HERC4: variants seen among roughly 807,000 people sequenced by gnomAD.
The protein encoded by HERC4 is probable E3 ubiquitin-protein ligase HERC4.
Under a neutral mutation model 124.3 loss-of-function variants are expected in HERC4, and 28 were observed. The ratio of observed to expected loss-of-function variants is 0.23; its 90% CI spans 0.17 to 0.31. The LOEUF (loss-of-function observed/expected upper bound fraction) is 0.31, where lower values mean the gene tolerates loss of function less well. Ranked by LOEUF, HERC4 falls within the 10% of genes least tolerant of loss-of-function variation. The pLI, the probability that HERC4 is intolerant of heterozygous loss-of-function variation, is 1.00. For missense variants in HERC4, 713 were observed against 1,229.3 expected (o/e 0.58, Z 6.28); for synonymous variants, 407 against 421.5 (o/e 0.97, Z 0.42).
At chr10:67,967,130 A>G (rs906528253) in intron 15 of HERC4, among the ~76,000 whole-genome samples, 1 of 152,254 alleles carries the variant, frequency 6.6e-6, no homozygotes, top group African/African-American at 2.4e-5. Flanking sequence ...TTGGGATTAC[A>G]GGCGTGAGCC....
intron 16 of HERC4, among the ~76,000 whole-genome samples, chr10:67,959,594 AAAGT>A (rs1329880163): frequency 6.6e-6 from 1 of 152,196 alleles, no homozygotes; most frequent in African/African-American, 2.4e-5. Flanking sequence ...ATATGGACAC[AAAGT>A]AAGAAAAAAT....
chr10:67,923,051 AT>A lies in HERC4; in HGVS notation c.3029del (p.Tyr1010PhefsTer27). The stretch of plus-strand genomic sequence containing the variant: ...TAAAACAAGTATGGGAAACTGGGAG[AT>A]ACTCCTCACCACCTCCTGTGGACTG... ...VIQSTGGGEE[Y>X]LPVSHTCFNL... On this transcript the variant is annotated frameshift_variant, in exon 25 of 25. Coordinates refer to ENST00000373700, the MANE Select transcript of HERC4 (RefSeq NM_015601.4). LOFTEE classifies it high-confidence loss of function. 1 of 1,613,690 alleles carries A rather than the reference AT, an allele frequency of 6.2e-7. No homozygotes were observed. Among genetic ancestry groups the A allele is most frequent in the Non-Finnish European group, 8.5e-7 (1 of 1,179,648 alleles).
At chr10:68,035,439 A>G (rs1290876133) in intron 5 of HERC4, among the ~76,000 whole-genome samples, 1 of 152,174 alleles carries the variant, frequency 6.6e-6, no homozygotes, top group Admixed American at 6.5e-5. Flanking sequence ...TACAGGTGTG[A>G]GTTACCACAC....
At chr10:68,057,873 C>G (rs1040525771) in intron 3 of HERC4, among the ~76,000 whole-genome samples, 1 of 151,870 alleles carries the variant, frequency 6.6e-6, no homozygotes. Context: ...CTAATTTTTT[C>G]TATTTCTAGT....
Position 68,073,048 on chromosome 10 carries a change from T to C in HERC4, c.61A>G (p.Ile21Val). ...QLGLGGIDEE[I>V]VLEPRKSDFF... ...TCACTTTTTCTGGGCTCTAGTACAA[T>C]TTCTTCATCAATTCCACCCAAACCT... is the stretch of plus-strand genomic sequence containing the variant. Residue 21 changes from isoleucine to valine, a missense_variant, in exon 3 of 25, where the codon ATT (isoleucine) becomes GTT (valine). By Grantham distance (29) the Ile-to-Val change is conservative (BLOSUM62 3). Transcript: ENST00000373700. The C allele has an allele frequency of 1.2e-6, 2 of 1,614,056 alleles. No homozygotes were observed. Among genetic ancestry groups the C allele is most frequent in the South Asian group, 2.2e-5 (2 of 91,078 alleles).
intron 15 of HERC4, among the ~76,000 whole-genome samples, chr10:67,967,512 T>C (rs2034960279): frequency 6.6e-6 from 1 of 152,140 alleles, no homozygotes; most frequent in Non-Finnish European, 1.5e-5. Context: ...GAATAAACTT[T>C]AGAAGGTGAT....
At chr10:67,954,856 T>C (rs2034038251) in intron 18 of HERC4, 107 bp downstream of exon 18, 1 of 1,193,638 alleles carries the variant, frequency 8.4e-7, no homozygotes, top group Non-Finnish European at 1.1e-6. Flanking sequence ...AAAATAAATA[T>C]AATTTTATTT....
At chr10:68,031,959 C>T (rs890035553) in intron 7 of HERC4, among the ~76,000 whole-genome samples, 5 of 152,108 alleles carry the variant, frequency 3.3e-5, no homozygotes, top group African/African-American at 1.2e-4. Context: ...ACCAAGTTGG[C>T]CAGGCTGGTC....
chr10:68,018,270 A>G (rs1175679139), intron 8 of HERC4, among the ~76,000 whole-genome samples: 1 of 120,486 alleles, frequency 8.3e-6, no homozygotes, highest in Non-Finnish European at 1.7e-5. Context: ...AGATTAAAGG[A>G]AAAAAAAATC....
At chr10:67,969,119 A>T (rs1055731749) in intron 15 of HERC4, among the ~76,000 whole-genome samples, 10 of 152,262 alleles carry the variant, frequency 6.6e-5, no homozygotes, top group African/African-American at 2.4e-4. Context: ...AAATCCTAGA[A>T]TACTGGCAAT....
chr10:68,010,341 G>T, intron 9 of HERC4: 1 of 934,272 alleles, frequency 1.1e-6, no homozygotes, highest in Non-Finnish European at 1.7e-6. Context: ...ACCAAAATGG[G>T]GCCCTGAGGC....
chr10:68,013,885 C>G, intron 9 of HERC4, 141 bp downstream of exon 9: 1 of 638,172 alleles, frequency 1.6e-6, no homozygotes, highest in East Asian at 2.7e-5. Context: ...ATCAAACAAC[C>G]ATATACATTG....
At chr10:68,060,271 G>A (rs939068826) in intron 3 of HERC4, among the ~76,000 whole-genome samples, 1 of 151,966 alleles carries the variant, frequency 6.6e-6, no homozygotes, top group Non-Finnish European at 1.5e-5. Context: ...CACCCAGACT[G>A]GAGTGCAGTG....
At chr10:68,053,179 GAAGAA>G (rs1043419765) in intron 3 of HERC4, among the ~76,000 whole-genome samples, 4 of 152,062 alleles carry the variant, frequency 2.6e-5, no homozygotes, top group Non-Finnish European at 4.4e-5. Flanking sequence ...CATTGCCCCC[GAAGAA>G]AATACAAGGT....
intron 9 of HERC4, among the ~76,000 whole-genome samples, chr10:68,005,510 A>C (rs1184773459): frequency 6.6e-6 from 1 of 151,968 alleles, no homozygotes; most frequent in Non-Finnish European, 1.5e-5. Flanking sequence ...GTGTCTTTTG[A>C]CTGGGCAGTT....
chr10:68,044,036 A>C (rs766964158), intron 4 of HERC4, among the ~76,000 whole-genome samples: 1 of 152,226 alleles, frequency 6.6e-6, no homozygotes, highest in Non-Finnish European at 1.5e-5. Context: ...AAAAAGGACA[A>C]GTTAGTGAAA....
chr10:67,975,352 G>T (rs2035521629), intron 15 of HERC4, among the ~76,000 whole-genome samples: 1 of 152,068 alleles, frequency 6.6e-6, no homozygotes, highest in Non-Finnish European at 1.5e-5. Context: ...ATTTAAGAAA[G>T]TAACCAAGGT....
intron 4 of HERC4, chr10:68,040,433 G>A (rs2133448039): frequency 8.0e-6 from 7 of 874,572 alleles, no homozygotes; most frequent in Non-Finnish European, 9.6e-6. Context: ...TACTGTGAAT[G>A]GTAAAACAAG....
chr10:67,952,346 C>T lies in HERC4; in HGVS notation c.2337+2249G>A, dbSNP rs537460909. Among the ~76,000 whole-genome samples the T allele has an allele frequency of 1.8e-4, 28 of 152,152 alleles. No homozygotes were observed. In the South Asian group the frequency reaches 5.2e-3, roughly 28 times the overall value. On this transcript the variant is annotated intron_variant, in intron 19 of 24. Coordinates refer to ENST00000373700, the MANE Select transcript of HERC4 (RefSeq NM_015601.4). ...GTCACCAGGCTGGAGTGCAGTGGCG[C>T]GACCTTGGCTCACTGCAACCTCCGT...
Sources: allele counts gnomAD v4.1 joint callset (sites outside exome capture counted in the v4.1 genomes callset), GRCh38; gene constraint gnomAD v4.1.1; transcripts MANE v1.5; gene names NCBI Gene and HGNC (gene_info 2026-07-23, HGNC 2026-07-21).